Variants in CHGB observed in about 807,000 individuals in gnomAD.
CHGB encodes the protein chromogranin B.
Under a neutral mutation model 69.9 loss-of-function variants are expected in CHGB, and 46 were observed. The ratio of observed to expected loss-of-function variants is 0.66; its 90% CI spans 0.52 to 0.84. The LOEUF is 0.84. CHGB is among the 40% of genes least tolerant of loss of function. The pLI is 0.00. For synonymous variants in CHGB, 312 were observed against 298.2 expected (o/e 1.05, Z -0.48); for missense variants, 796 against 822.2 (o/e 0.97, Z 0.39).
intron 3 of CHGB, among the ~76,000 whole-genome samples, chr20:5,921,509 T>C (rs888432599): frequency 2.6e-5 from 4 of 152,254 alleles, no homozygotes; most frequent in African/African-American, 9.6e-5. Flanking sequence ...AAAGGAGCTA[T>C]TGATATTTGG....
rs200140204 is a variant in CHGB, at chr20:5,923,407, C to T, written c.1263C>T (p.Gly421=). ...LEPGKGRHHR[G]RGGEPRAYFM... is the part of the protein sequence containing the mutation. The stretch of plus-strand genomic sequence containing the variant: ...CGGGAAAGGGACGCCATCACAGAGG[C>T]AGGGGAGGGGAGCCACGTGCCTATT... The change falls in exon 4 of 5, where the codon GGC becomes GGT. Residue 421 remains glycine (G), a synonymous_variant. Transcript: ENST00000378961. 1.2e-6 allele frequency: 2 copies of T among 1,613,936 alleles called. No homozygotes were observed. Among genetic ancestry groups the T allele is most frequent in the East Asian group, 4.5e-5 (2 of 44,862 alleles).
At chr20:5,912,557 T>C (rs1224825222) in intron 1 of CHGB, among the ~76,000 whole-genome samples, 1 of 152,190 alleles carries the variant, frequency 6.6e-6, no homozygotes, top group Non-Finnish European at 1.5e-5. Flanking sequence ...TGTTTCCCTT[T>C]TGTAGGGAAG....
intron 1 of CHGB, among the ~76,000 whole-genome samples, chr20:5,912,697 C>T (rs2088453526): frequency 8.6e-5 from 13 of 151,902 alleles, no homozygotes; most frequent in Admixed American, 8.5e-4. Context: ...GATATTGAGA[C>T]TATTGAGAAG....
At chr20:5,919,615 T>G (rs916617663) in intron 3 of CHGB, among the ~76,000 whole-genome samples, 11 of 152,232 alleles carry the variant, frequency 7.2e-5, no homozygotes, top group African/African-American at 2.7e-4. Context: ...AGACATCTCC[T>G]GGTATTTTCA....
chr20:5,923,218 G>C lies in CHGB; in HGVS notation c.1074G>C (p.Glu358Asp). The C allele has an allele frequency of 6.2e-7, 1 of 1,613,862 alleles. No individual in the cohort carries two copies. The highest frequency in any genetic ancestry group is 8.5e-7 in the Non-Finnish European group (1 of 1,179,856). Reference sequence around the variant, plus strand: ...GCGTCCAGGCCCCTGAGGACCTGGAGTGGGAGCGCTATAGGGGCAGAGGAA... The same window carrying C: ...GCGTCCAGGCCCCTGAGGACCTGGACTGGGAGCGCTATAGGGGCAGAGGAA... ...YPGVQAPEDL[E>D]WERYRGRGSE... Residue 358 changes from glutamate to aspartate, a missense_variant, in exon 4 of 5, where the codon GAG becomes GAC. Physicochemically the swap from Glu to Asp is conservative, Grantham distance 45 (BLOSUM62 2). This residue lies in a region of CHGB where 518 missense variants were observed against 506.3 expected (regional missense o/e 1.02). Transcript: ENST00000378961.
Position 5,923,335 on chromosome 20 carries a change from G to A in CHGB, c.1191G>A (p.Met397Ile). ...ACCCCAGCTTAGAGCTTGATAAGAT[G>A]GCACATGGATATGGTGAAGAAAGTG... is the stretch of plus-strand genomic sequence containing the variant. ...RNYPSLELDK[M>I]AHGYGEESEE... The change falls in exon 4 of 5, where the codon ATG becomes ATA. Residue 397 changes from methionine to isoleucine, a missense_variant. Physicochemically the swap from Met to Ile is conservative, Grantham distance 10 (BLOSUM62 1). Around this residue, in one of 3 missense-constraint regions of CHGB, gnomAD observed 518 missense variants for 506.3 expected, o/e 1.02. Coordinates refer to ENST00000378961, the MANE Select transcript of CHGB (RefSeq NM_001819.3). The A allele has an allele frequency of 6.2e-7, 1 of 1,613,726 alleles. No homozygotes were observed. The highest frequency in any genetic ancestry group is 8.5e-7 in the Non-Finnish European group (1 of 1,180,026).
At position 5,922,464 on chromosome 20, in the gene CHGB, CA is replaced by C; in HGVS notation, c.321del (p.Glu109ArgfsTer44). 6.2e-7 allele frequency: 1 copy of C among 1,613,696 alleles called. No individual in the cohort carries two copies. Among genetic ancestry groups the C allele is most frequent in the Non-Finnish European group, 8.5e-7 (1 of 1,179,674 alleles). Reference sequence around the variant, plus strand: ...TCCAGCAGGGGAGAGGCAGGAGCCCCAGGGGAGGAGGACATCCAAGGCCCAA... The same window carrying C: ...TCCAGCAGGGGAGAGGCAGGAGCCCCGGGGAGGAGGACATCCAAGGCCCAA... ...ESSSRGEAGA[P>X]GEEDIQGPTK... On this transcript the variant is annotated frameshift_variant, in exon 4 of 5. Transcript: ENST00000378961. LOFTEE classifies it high-confidence loss of function.
Position 5,919,402 on chromosome 20 carries a change from A to G in CHGB, c.190+2483A>G, listed in dbSNP as rs1011970451. On this transcript the variant is annotated intron_variant, in intron 3 of 4. Coordinates refer to ENST00000378961, the MANE Select transcript of CHGB (RefSeq NM_001819.3). Reference sequence around the variant, plus strand: ...AGGTTTAAGAGCTCTTCTGTGGTTGAGCCTTAAACACCAGGCAGAGCTAGA... The same window carrying G: ...AGGTTTAAGAGCTCTTCTGTGGTTGGGCCTTAAACACCAGGCAGAGCTAGA... Among the ~76,000 whole-genome samples, 7 of 152,206 alleles carry G rather than the reference A, an allele frequency of 4.6e-5. No individual in the cohort carries two copies. In the East Asian group the frequency reaches 1.2e-3, roughly 25 times the overall value.
At chr20:5,915,529 G>A (rs988536436) in intron 1 of CHGB, 3 of 152,148 alleles carry the variant, frequency 2.0e-5, no homozygotes, top group African/African-American at 7.2e-5. Context: ...TTCAGGCAAA[G>A]GCCTTGCGGG....
At chr20:5,918,506 G>A (rs989262839) in intron 3 of CHGB, among the ~76,000 whole-genome samples, 1 of 151,966 alleles carries the variant, frequency 6.6e-6, no homozygotes, top group African/African-American at 2.4e-5. Flanking sequence ...AAAGCAAATA[G>A]TGATTGGCCA....
Position 5,916,842 on chromosome 20 carries a change from T to C in CHGB, c.113T>C (p.Ile38Thr), listed in dbSNP as rs745347449. ...TCCCCCCAGGTGACTCGCTGCATCA[T>C]TGAGGTCCTCTCAAATGCCTTGTCG... Reference protein sequence around the residue: ...HNEGMVTRCIIEVLSNALSKS... With the variant: ...HNEGMVTRCITEVLSNALSKS... The change falls in exon 3 of 5, where the codon ATT becomes ACT. Residue 38 changes from isoleucine to threonine, a missense_variant. Ile to Thr is a moderately conservative substitution (Grantham distance 89, BLOSUM62 -1). Coordinates refer to ENST00000378961, the MANE Select transcript of CHGB (RefSeq NM_001819.3). The C allele has an allele frequency of 3.6e-5, 58 of 1,614,090 alleles. No homozygotes were observed. Among genetic ancestry groups the C allele is most frequent in the Non-Finnish European group, 4.6e-5 (54 of 1,180,048 alleles).
At position 5,916,843 on chromosome 20, in the gene CHGB, T is replaced by G; in HGVS notation, c.114T>G (p.Ile38Met). 6.2e-7 allele frequency: 1 copy of G among 1,614,166 alleles called. No individual in the cohort carries two copies. The highest frequency in any genetic ancestry group is 8.5e-7 in the Non-Finnish European group (1 of 1,180,010). Residue 38 changes from isoleucine to methionine, a missense_variant, in exon 3 of 5, where the codon ATT (isoleucine) becomes ATG (methionine). Ile to Met is a conservative substitution (Grantham distance 10). Around this residue, in one of 3 missense-constraint regions of CHGB, gnomAD observed 518 missense variants for 506.3 expected, o/e 1.02. Coordinates refer to ENST00000378961, the MANE Select transcript of CHGB (RefSeq NM_001819.3). ...CCCCCCAGGTGACTCGCTGCATCAT[T>G]GAGGTCCTCTCAAATGCCTTGTCGA... The part of the protein sequence containing the change: ...HNEGMVTRCI[I>M]EVLSNALSKS...
intron 3 of CHGB, 169 bp downstream of exon 3, chr20:5,917,088 T>C (rs1212465294): frequency 7.6e-6 from 5 of 657,672 alleles, no homozygotes; most frequent in East Asian, 2.7e-5. Flanking sequence ...TGACTCCTAG[T>C]TCCTGCTTTA....
chr20:5,917,604 G>A (rs1357413228), intron 3 of CHGB: 1 of 152,564 alleles, frequency 6.6e-6, no homozygotes, highest in Non-Finnish European at 1.5e-5. Flanking sequence ...AGCCTGTGAA[G>A]TGTTCTCAAT....
rs367915171 is a variant in CHGB, at chr20:5,922,491, C to G, written c.347C>G (p.Thr116Arg). 3 of 1,613,308 alleles carry G rather than the reference C, an allele frequency of 1.9e-6. No homozygotes were observed. The highest frequency in any genetic ancestry group is 2.5e-6 in the Non-Finnish European group (3 of 1,179,512). ...APGEEDIQGP[T>R]KADTEKWAEG... ...GGGGAGGAGGACATCCAAGGCCCAACAAAGGCAGACACAGAGAAATGGGCA... is the reference window on the plus strand; with the variant it reads ...GGGGAGGAGGACATCCAAGGCCCAAGAAAGGCAGACACAGAGAAATGGGCA... Residue 116 changes from threonine (T) to arginine (R), a missense_variant, in exon 4 of 5, where the codon ACA (threonine) becomes AGA (arginine). Thr to Arg is a moderately conservative substitution (Grantham distance 71). Coordinates refer to ENST00000378961, the MANE Select transcript of CHGB (RefSeq NM_001819.3).
chr20:5,913,252 C>T (rs1156332174), intron 1 of CHGB, among the ~76,000 whole-genome samples: 2 of 152,140 alleles, frequency 1.3e-5, no homozygotes, highest in East Asian at 3.9e-4. Context: ...TTATATAGTT[C>T]AGTGGTTTTT....
intron 1 of CHGB, among the ~76,000 whole-genome samples, chr20:5,913,493 C>T (rs75732502): frequency 0.038 from 5,723 of 152,212 alleles, 154 homozygotes; most frequent in Middle Eastern, 0.12. Flanking sequence ...TTAAGAACTT[C>T]TGAAAGATAT....
chr20:5,919,610 TCTC>T lies in CHGB; in HGVS notation c.190+2694_190+2696del, dbSNP rs1247067938. On this transcript the variant is annotated intron_variant, in intron 3 of 4. Coordinates refer to ENST00000378961, the MANE Select transcript of CHGB (RefSeq NM_001819.3). ...TTAAAATTTTGATTTTTAAAAGACA[TCTC>T]CTGGTATTTTCATATCGCCTCTGAA... Among the ~76,000 whole-genome samples the T allele has an allele frequency of 3.9e-5, 6 of 152,344 alleles. No homozygotes were observed. In the South Asian group the frequency reaches 1.2e-3, roughly 32 times the overall value.
chr20:5,914,679 T>C (rs1181311737), intron 1 of CHGB: 19 of 152,236 alleles, frequency 1.2e-4, no homozygotes. Context: ...GAAATGGGTG[T>C]GTTCTCAAGT....
Sources: allele counts gnomAD v4.1 joint callset (sites outside exome capture counted in the v4.1 genomes callset), GRCh38; gene constraint gnomAD v4.1.1; regional missense constraint gnomAD v4.1.1; transcripts MANE v1.5; gene names NCBI Gene and HGNC (gene_info 2026-07-23, HGNC 2026-07-21).